Variants in C3 observed in about 807,000 individuals in gnomAD.
C3 encodes the protein complement C3.
C3 carries 97 observed loss-of-function variants against 207.9 expected under a neutral mutation model. The ratio of observed to expected loss-of-function variants is 0.47; its 90% CI spans 0.40 to 0.55. C3 has a LOEUF of 0.55. Among genes scored for constraint, C3 ranks in the 20% least tolerant of loss-of-function variants. The probability of loss-of-function intolerance (pLI) is 0.00; values close to 1 mark genes in which losing one functional copy is unlikely to be tolerated. For missense variants in C3, 1,684 were observed against 2,171.7 expected (o/e 0.78, Z 4.46); for synonymous variants, 848 against 857.6 (o/e 0.99, Z 0.20).
Position 6,712,371 on chromosome 19 carries a change from G to A in C3, c.1155C>T (p.Tyr385=). 6.2e-7 allele frequency: 1 copy of A among 1,614,136 alleles called. No individual in the cohort carries two copies. Among genetic ancestry groups the A allele is most frequent in the Non-Finnish European group, 8.5e-7 (1 of 1,179,998 alleles). ...CGCCCTGGACTGCCACGGGGACTCG[G>A]TAGGCTGGAGAGCCATCAGGGTTCG... ...FVTNPDGSPA[Y]RVPVAVQGED... The change falls in exon 11 of 41, where the codon TAC becomes TAT. Residue 385 remains tyrosine, a synonymous_variant. Coordinates refer to ENST00000245907, the MANE Select transcript of C3 (RefSeq NM_000064.4).
intron 4 of C3, chr19:6,716,377 A>G (rs1968034368): frequency 6.6e-6 from 1 of 152,042 alleles, no homozygotes; most frequent in African/African-American, 2.4e-5. Context: ...GCACCACCAC[A>G]CACAGCTGTT....
At chr19:6,701,325 G>A (rs1014584876) in intron 19 of C3, among the ~76,000 whole-genome samples, 5 of 152,040 alleles carry the variant, frequency 3.3e-5, no homozygotes, top group Admixed American at 6.6e-5. Context: ...GACATGCCAC[G>A]TGCATGCTAG....
At chr19:6,701,665 C>T (rs766161538) in intron 19 of C3, among the ~76,000 whole-genome samples, 2 of 152,018 alleles carry the variant, frequency 1.3e-5, no homozygotes, top group African/African-American at 2.4e-5. Flanking sequence ...GGATTATAGG[C>T]GCCCGCCACC....
At position 6,679,502 on chromosome 19, in the gene C3, G is replaced by C. The variant is rs1392286995; in HGVS notation, c.4457-6C>G. On this transcript the variant is annotated splice_region_variant and splice_polypyrimidine_tract_variant and intron_variant, in intron 36 of 40. Transcript: ENST00000245907. The stretch of plus-strand genomic sequence containing the variant: ...GAACCGGGTACAGCTTTCCTCTGCG[G>C]GCAGATGTGATGTGAAGATGAGAGG... 5 of 1,595,814 alleles carry C rather than the reference G, an allele frequency of 3.1e-6. No homozygotes were observed. In the South Asian group the frequency reaches 4.4e-5, roughly 14 times the overall value.
Position 6,720,400 on chromosome 19 carries a change from C to T in C3, c.74+116G>A, listed in dbSNP as rs1968136649. The stretch of plus-strand genomic sequence containing the variant: ...TATATAATCATTCCCAACCTGCTAA[C>T]CCCTGAATCCACAAACACCCAAATG... On this transcript the variant is annotated intron_variant, in intron 1 of 40. Transcript: ENST00000245907. 4 of 758,742 alleles carry T rather than the reference C, an allele frequency of 5.3e-6. No homozygotes were observed. The Admixed American group carries it at 6.1e-5, about 12-fold the overall frequency. 47.0% of individuals were successfully genotyped at this position (758,742 alleles called of 1,614,324 possible).
chr19:6,678,095 G>C (rs1211091931), intron 40 of C3, 57 bp downstream of exon 40: 1 of 1,614,096 alleles, frequency 6.2e-7, no homozygotes, highest in Admixed American at 1.7e-5. Context: ...AATGGTGTGG[G>C]CGTGGCATGG....
At position 6,718,631 on chromosome 19, in the gene C3, T is replaced by C. The variant is rs1599528881; in HGVS notation, c.268-219A>G. 2.0e-5 allele frequency among the ~76,000 whole-genome samples: 3 copies of C among 147,088 alleles called. No individual in the cohort carries two copies. In the East Asian group the frequency reaches 6.0e-4, roughly 30 times the overall value. On this transcript the variant is annotated intron_variant, in intron 2 of 40. Transcript: ENST00000245907. ...AAGAGCTCACAAGGAGGAGAGAGCT[T>C]ATAGGAGGAGGGGCTCAGAAGGGGC...
chr19:6,678,416 T>C lies in C3; in HGVS notation c.4670A>G (p.Asp1557Gly). ...TRLVKVQLSNDFDEYIMAIEQ... is the reference protein window; with the variant it reads ...TRLVKVQLSNGFDEYIMAIEQ... ...AATGGCCATGATGTACTCGTCAAAG[T>C]CATTGGACAGCTGAACCTTGACCAG... The change falls in exon 39 of 41, where the codon GAC becomes GGC. Residue 1557 changes from aspartate to glycine, a missense_variant. Physicochemically the swap from Asp to Gly is moderately conservative, Grantham distance 94. This residue lies in a region of C3 where 346 missense variants were observed against 380.1 expected (regional missense o/e 0.91). Transcript: ENST00000245907. The C allele has an allele frequency of 6.2e-7, 1 of 1,614,014 alleles. No individual in the cohort carries two copies. The highest frequency in any genetic ancestry group is 8.5e-7 in the Non-Finnish European group (1 of 1,179,988).
intron 19 of C3, among the ~76,000 whole-genome samples, chr19:6,698,305 C>A (rs1202892231): frequency 6.6e-6 from 1 of 152,056 alleles, no homozygotes; most frequent in African/African-American, 2.4e-5. Flanking sequence ...TGAGCCACTG[C>A]GCCTGGCCGG....
At chr19:6,700,590 A>ATAATATATG (rs1967643399) in intron 19 of C3, among the ~76,000 whole-genome samples, 1 of 21,114 alleles carries the variant, frequency 4.7e-5, no homozygotes, top group African/African-American at 3.0e-4. Flanking sequence ...TATGTAATAT[A>ATAATATATG]TAATATATGA....
Position 6,707,217 on chromosome 19 carries a change from G to A in C3, c.2104C>T (p.Pro702Ser), listed in dbSNP as rs753504699. ...KCCEDGMREN[P>S]MRFSCQRRTR... ...CGGCGCTGGCACGAGAACCTCATGG[G>A]GTTCTCCCGCATGCCGTCCTCGCAG... The change falls in exon 17 of 41, where the codon CCC becomes TCC. Residue 702 changes from proline (P) to serine (S), a missense_variant. Pro to Ser is a moderately conservative substitution (Grantham distance 74). This residue lies in a region of C3 where 1,280 missense variants were observed against 1,739.1 expected (regional missense o/e 0.74). Coordinates refer to ENST00000245907, the MANE Select transcript of C3 (RefSeq NM_000064.4). 1.2e-5 allele frequency: 20 copies of A among 1,613,484 alleles called. No homozygotes were observed. Among genetic ancestry groups the A allele is most frequent in the Admixed American group, 5.0e-5 (3 of 59,952 alleles).
At position 6,687,031 on chromosome 19, in the gene C3, C is replaced by G. The variant is rs773731974; in HGVS notation, c.3490-129G>C. On this transcript the variant is annotated intron_variant, in intron 27 of 40. Coordinates refer to ENST00000245907, the MANE Select transcript of C3 (RefSeq NM_000064.4). Reference sequence around the variant, plus strand: ...GGGACACACCTGTCTTAGATTTGTCCATTTTTGAGAATTTCCCAGATATTT... The same window carrying G: ...GGGACACACCTGTCTTAGATTTGTCGATTTTTGAGAATTTCCCAGATATTT... 296 of 985,872 alleles carry G rather than the reference C, an allele frequency of 3.0e-4. 1 individual carries two copies. Among genetic ancestry groups the G allele is most frequent in the Non-Finnish European group, 4.3e-4 (273 of 641,262 alleles). 61.1% of individuals were successfully genotyped at this position (985,872 alleles called of 1,614,324 possible).
chr19:6,713,164 G>C lies in C3; in HGVS notation c.1003+25C>G, dbSNP rs11085197. 296,734 of 1,612,736 alleles carry C rather than the reference G, an allele frequency of 0.18. 29,918 individuals are homozygous for C. The highest frequency in any genetic ancestry group is 0.21 in the Non-Finnish European group (245,123 of 1,179,404). ...AGACCGGCCCACTTGGTGGTCCTGA[G>C]CCTGGCCTTCAGACTGGGCCTCACC... On this transcript the variant is annotated intron_variant, in intron 9 of 40. Coordinates refer to ENST00000245907, the MANE Select transcript of C3 (RefSeq NM_000064.4).
rs554587967 is a variant in C3 at position 6,718,375 on chromosome 19, C to T, written c.305G>A (p.Arg102His). Reference protein sequence around the residue: ...ANREFKSEKGRNKFVTVQATF... With the variant: ...ANREFKSEKGHNKFVTVQATF... ...GGCCTGCACGGTCACGAACTTGTTG[C>T]GCCCCTTTTCTGACTTGAACTCCCT... Residue 102 changes from arginine (R) to histidine (H), a missense_variant, in exon 3 of 41, where the codon CGC (arginine) becomes CAC (histidine). Transcript: ENST00000245907. 1.5e-5 allele frequency: 25 copies of T among 1,614,216 alleles called. No individual in the cohort carries two copies. The highest frequency in any genetic ancestry group is 1.6e-4 in the Middle Eastern group (1 of 6,062).
intron 17 of C3, among the ~76,000 whole-genome samples, chr19:6,705,340 CT>C (rs543404742): frequency 0.019 from 2,698 of 143,944 alleles, 35 homozygotes; most frequent in East Asian, 0.038. Context: ...TTTTCTCTCT[CT>C]TTTTTTTTTT....
intron 17 of C3, among the ~76,000 whole-genome samples, chr19:6,703,945 TCAAACAAA>T (rs747215227): frequency 6.0e-5 from 9 of 150,628 alleles, no homozygotes; most frequent in African/African-American, 1.7e-4. Flanking sequence ...AGACTCCCTC[TCAAACAAA>T]CAAACAAACA....
intron 14 of C3, 56 bp from the exon 15 acceptor site, chr19:6,707,985 C>G: frequency 6.2e-7 from 1 of 1,603,856 alleles, no homozygotes; most frequent in Non-Finnish European, 8.5e-7. Context: ...CAATTGGGAT[C>G]CCCCACATAT....
intron 4 of C3, 105 bp from the exon 5 acceptor site, chr19:6,714,551 G>T: frequency 1.2e-6 from 1 of 822,366 alleles, no homozygotes; most frequent in Non-Finnish European, 2.1e-6. Flanking sequence ...TCTGTGCACA[G>T]TGTCTACTGT....
chr19:6,718,617 A>G (rs1968094828), intron 2 of C3, among the ~76,000 whole-genome samples: 1 of 150,214 alleles, frequency 6.7e-6, no homozygotes, highest in Admixed American at 6.6e-5. Context: ...AGAGCTCACA[A>G]GGAGGAGAGA....
Sources: allele counts gnomAD v4.1 joint callset (sites outside exome capture counted in the v4.1 genomes callset), GRCh38; gene constraint gnomAD v4.1.1; regional missense constraint gnomAD v4.1.1; transcripts MANE v1.5; gene names NCBI Gene and HGNC (gene_info 2026-07-23, HGNC 2026-07-21).